Variants in CEP20 observed in about 807,000 individuals in gnomAD.
The protein encoded by CEP20 is FGFR1OP N-terminal like.
Under a neutral mutation model 20.0 loss-of-function variants are expected in CEP20, and 18 were observed. The observed-to-expected ratio is 0.90, with a 90% CI of 0.62 to 1.34. The LOEUF is 1.34. CEP20 is among the 40% of genes most tolerant of loss of function. The probability of loss-of-function intolerance (pLI) is 0.00; values close to 1 mark genes in which losing one functional copy is unlikely to be tolerated. For synonymous variants in CEP20, 77 were observed against 73.7 expected (o/e 1.04, Z -0.23); for missense variants, 215 against 201.6 (o/e 1.07, Z -0.40).
chr16:15,888,389 C>A (rs986003621), intron 1 of CEP20, among the ~76,000 whole-genome samples, 169 bp downstream of exon 1: 11 of 152,200 alleles, frequency 7.2e-5, no homozygotes, highest in Non-Finnish European at 1.5e-4. Flanking sequence ...AAGAGCTCCC[C>A]GCGCACGGGC....
At chr16:15,882,899 C>T (rs530918850) in intron 2 of CEP20, 2 of 151,894 alleles carry the variant, frequency 1.3e-5, no homozygotes, top group East Asian at 3.9e-4. Context: ...ATAGTGAAAC[C>T]CCGTCTCTAC....
chr16:15,878,127 G>C (rs1371548859), intron 3 of CEP20, among the ~76,000 whole-genome samples: 2 of 151,858 alleles, frequency 1.3e-5, no homozygotes, highest in Non-Finnish European at 2.9e-5. Context: ...TGCCATAAAG[G>C]AGTTACTATC....
At chr16:15,888,101 G>A (rs1398459056) in intron 1 of CEP20, among the ~76,000 whole-genome samples, 2 of 151,178 alleles carry the variant, frequency 1.3e-5, no homozygotes, top group East Asian at 1.9e-4. Flanking sequence ...AAAGCAAGGA[G>A]GGGAGGGCTA....
intron 1 of CEP20, among the ~76,000 whole-genome samples, chr16:15,888,336 C>A (rs988088800): frequency 2.0e-5 from 3 of 152,162 alleles, no homozygotes; most frequent in South Asian, 2.1e-4. Context: ...TCCTTTAGCT[C>A]CAAACTGGCT....
intron 1 of CEP20, among the ~76,000 whole-genome samples, 161 bp downstream of exon 1, chr16:15,888,397 G>T (rs1436202259): frequency 2.0e-5 from 3 of 152,104 alleles, no homozygotes; most frequent in Admixed American, 1.3e-4. Context: ...CCCGCGCACG[G>T]GCCAAGACAG....
At position 15,879,830 on chromosome 16, in the gene CEP20, T is replaced by A. The variant is rs149202115; in HGVS notation, c.285A>T (p.Ala95=). The change falls in exon 3 of 5, where the codon GCA becomes GCT. Residue 95 remains alanine, a synonymous_variant. Coordinates refer to ENST00000255759, the MANE Select transcript of CEP20 (RefSeq NM_144600.4). ...DRQFLIHELN[A]FEESKDNTIP... ...TTGTATTATCCTTTGATTCTTCAAA[T>A]GCATTTAGTTCATGGATGAGAAACT... is the stretch of plus-strand genomic sequence containing the variant. 68 of 1,577,372 alleles carry A rather than the reference T, an allele frequency of 4.3e-5. No homozygotes were observed. Among genetic ancestry groups the A allele is most frequent in the Admixed American group, 8.3e-5 (4 of 48,224 alleles).
chr16:15,882,892 G>A (rs1448176992), intron 2 of CEP20: 2 of 151,820 alleles, frequency 1.3e-5, no homozygotes, highest in Non-Finnish European at 2.9e-5. Context: ...GTCCAATATA[G>A]TGAAACCCCG....
intron 3 of CEP20, among the ~76,000 whole-genome samples, chr16:15,876,173 T>C (rs989300614): frequency 2.3e-5 from 3 of 131,442 alleles, no homozygotes; most frequent in Non-Finnish European, 4.9e-5. Flanking sequence ...ATATTACTTT[T>C]TTTTTTTTTT....
At chr16:15,887,021 G>A (rs1434784194) in intron 1 of CEP20, among the ~76,000 whole-genome samples, 1 of 147,294 alleles carries the variant, frequency 6.8e-6, no homozygotes, top group African/African-American at 2.5e-5. Context: ...GTTTCAGCCT[G>A]TGGGGTAGCT....
chr16:15,876,169 CTTTTT>C (rs58260368), intron 3 of CEP20, among the ~76,000 whole-genome samples: 1 of 141,410 alleles, frequency 7.1e-6, no homozygotes. Flanking sequence ...TACCATATTA[CTTTTT>C]TTTTTTTTTT....
intron 1 of CEP20, among the ~76,000 whole-genome samples, chr16:15,888,239 A>G (rs2045293829): frequency 6.6e-6 from 1 of 152,054 alleles, no homozygotes; most frequent in African/African-American, 2.4e-5. Flanking sequence ...CAAGTCCTCC[A>G]GCCCCCGGCA....
chr16:15,879,937 C>T (rs750755916), intron 2 of CEP20, 49 bp from the exon 3 acceptor site: 2 of 1,292,702 alleles, frequency 1.5e-6, no homozygotes, highest in African/African-American at 1.5e-5. Flanking sequence ...AACTAAAAAG[C>T]AAATAAGATT....
intron 2 of CEP20, among the ~76,000 whole-genome samples, chr16:15,882,236 G>A (rs532306509): frequency 6.6e-6 from 1 of 152,282 alleles, no homozygotes; most frequent in East Asian, 1.9e-4. Context: ...GCAGAACCGT[G>A]AGCCAAGTAA....
intron 1 of CEP20, among the ~76,000 whole-genome samples, chr16:15,887,761 CAGG>C (rs143358141): frequency 0.012 from 1,861 of 152,098 alleles, 41 homozygotes; most frequent in African/African-American, 0.039. Context: ...CCTGAAAAGA[CAGG>C]AGAATGGCCA....
intron 2 of CEP20, among the ~76,000 whole-genome samples, chr16:15,880,776 C>G (rs191754914): frequency 1.9e-4 from 29 of 152,194 alleles, no homozygotes; most frequent in African/African-American, 6.5e-4. Flanking sequence ...AGCATCACTG[C>G]CTGAGCTCAG....
chr16:15,867,508 G>C lies in CEP20; in HGVS notation c.457C>G (p.Leu153Val), dbSNP rs181009665. 4.4e-5 allele frequency: 70 copies of C among 1,602,548 alleles called. No homozygotes were observed. In the East Asian group the frequency reaches 1.5e-3, roughly 35 times the overall value. The change falls in exon 5 of 5, where the codon CTA (leucine) becomes GTA (valine). Residue 153 changes from leucine to valine, a missense_variant. Transcript: ENST00000255759. ...GTACTTTTCTGTTCCTCCTTTCTTA[G>C]GTGGTCATCTGAAATGCACAGAAAC... is the stretch of plus-strand genomic sequence containing the variant. ...PSRRKPMDDH[L>V]RKEEQKSTNI...
At chr16:15,868,808 CT>C (rs1596984928) in intron 4 of CEP20, among the ~76,000 whole-genome samples, 1 of 152,066 alleles carries the variant, frequency 6.6e-6, no homozygotes, top group African/African-American at 2.4e-5. Flanking sequence ...TTTAGGTCTT[CT>C]AGAAAAGTGT....
At chr16:15,888,111 A>T (rs2045290130) in intron 1 of CEP20, among the ~76,000 whole-genome samples, 1 of 149,882 alleles carries the variant, frequency 6.7e-6, no homozygotes, top group South Asian at 2.1e-4. Context: ...GGGGAGGGCT[A>T]CTTAACAGGT....
At chr16:15,879,381 C>T (rs1156592384) in intron 3 of CEP20, among the ~76,000 whole-genome samples, 1 of 152,090 alleles carries the variant, frequency 6.6e-6, no homozygotes, top group Non-Finnish European at 1.5e-5. Flanking sequence ...GCATGGAGGG[C>T]TCACACCTGC....
Sources: allele counts gnomAD v4.1 joint callset (sites outside exome capture counted in the v4.1 genomes callset), GRCh38; gene constraint gnomAD v4.1.1; transcripts MANE v1.5; gene names NCBI Gene and HGNC (gene_info 2026-07-23, HGNC 2026-07-21).